The following RHEX variants were observed in gnomAD, a reference collection of about 807,000 sequenced individuals.
The protein encoded by RHEX is regulator of hemoglobinization and erythroid cell expansion protein.
A neutral mutation model predicts 20.1 loss-of-function variants in RHEX; 18 were observed. The observed-to-expected ratio is 0.90, with a 90% CI of 0.62 to 1.33. RHEX has a LOEUF of 1.33. Among genes scored for constraint, RHEX ranks in the 40% most tolerant of loss-of-function variants. The pLI, the probability that RHEX is intolerant of heterozygous loss-of-function variation, is 0.00. For synonymous variants in RHEX, 87 were observed against 77.1 expected, an observed-to-expected ratio of 1.13 and a Z score of -0.67; for missense variants, 192 against 214.3, an observed-to-expected ratio of 0.90 and a Z score of 0.65.
chr1:206,098,192 C>T lies in RHEX; in HGVS notation c.112+11C>T, dbSNP rs182205200. ...TCAGCAGGCACATGGGTAACTGGCT[C>T]AGCATCCTCTTCCCTCCTAGTCACT... is the stretch of plus-strand genomic sequence containing the variant. On this transcript the variant is annotated intron_variant, in intron 3 of 5. Coordinates refer to ENST00000331555, the MANE Select transcript of RHEX (RefSeq NM_001007544.4). 1.6e-5 allele frequency: 26 copies of T among 1,577,874 alleles called. No individual in the cohort carries two copies. The Admixed American group carries it at 1.7e-4, about 10-fold the overall frequency.
At chr1:206,095,691 C>T (rs1468660078) in intron 1 of RHEX, among the ~76,000 whole-genome samples, 1 of 152,134 alleles carries the variant, frequency 6.6e-6, no homozygotes, top group African/African-American at 2.4e-5. Context: ...TGGTGCATAC[C>T]TGAAATCCCA....
chr1:206,072,834 T>C (rs893366789), intron 1 of RHEX, among the ~76,000 whole-genome samples: 3 of 148,446 alleles, frequency 2.0e-5, no homozygotes, highest in African/African-American at 7.5e-5. Flanking sequence ...TGTGTCTTTT[T>C]TTTTTTTTTT....
intron 1 of RHEX, among the ~76,000 whole-genome samples, chr1:206,064,870 TGGTTGCCGTGTCTGTGTAGAAGGA>T (rs548123855): frequency 0.014 from 2,061 of 152,108 alleles, 43 homozygotes; most frequent in African/African-American, 0.047. Flanking sequence ...AGAAATCGGA[TGGTTGCCGTGTCTGTGTAGAAGGA>T]GGTAGACATG....
At chr1:206,092,056 C>CTCTCTCTT (rs530575974) in intron 1 of RHEX, among the ~76,000 whole-genome samples, 7,187 of 151,278 alleles carry the variant, frequency 0.048, 387 homozygotes, top group African/African-American at 0.12. Flanking sequence ...CTCTTTCTCT[C>CTCTCTCTT]TCTCTCTTTC....
At chr1:206,084,643 C>T (rs75854365) in intron 1 of RHEX, among the ~76,000 whole-genome samples, 2,276 of 152,266 alleles carry the variant, frequency 0.015, 53 homozygotes, top group African/African-American at 0.052. Context: ...TCCTGCTTCT[C>T]GTTCTGTGTG....
At chr1:206,094,169 G>GGTGT (rs66885504) in intron 1 of RHEX, among the ~76,000 whole-genome samples, 6,155 of 148,626 alleles carry the variant, frequency 0.041, 307 homozygotes, top group African/African-American at 0.12. Flanking sequence ...CTGGTTATTT[G>GGTGT]GTGTGTGTGT....
chr1:206,066,606 A>T, intron 1 of RHEX, among the ~76,000 whole-genome samples: 1 of 152,170 alleles, frequency 6.6e-6, no homozygotes, highest in South Asian at 2.1e-4. Flanking sequence ...AACAAGAGAG[A>T]GACTCTGTCT....
intron 2 of RHEX, 30 bp from the exon 3 acceptor site, chr1:206,098,051 C>G: frequency 1.3e-6 from 2 of 1,549,922 alleles, no homozygotes; most frequent in Non-Finnish European, 1.8e-6. Context: ...CTTGCAATCT[C>G]TGACTTTGCC....
chr1:206,087,608 T>C (rs1157595173), intron 1 of RHEX, among the ~76,000 whole-genome samples: 1 of 152,318 alleles, frequency 6.6e-6, no homozygotes. Context: ...CACAGGACCA[T>C]GTGCATGGAC....
At chr1:206,054,738 A>C (rs1662154789) in intron 1 of RHEX, among the ~76,000 whole-genome samples, 1 of 152,284 alleles carries the variant, frequency 6.6e-6, no homozygotes, top group Non-Finnish European at 1.5e-5. Context: ...AGGTTTTATT[A>C]AAATTCAGTT....
intron 1 of RHEX, among the ~76,000 whole-genome samples, chr1:206,068,834 C>G (rs1202237541): frequency 1.3e-5 from 2 of 152,182 alleles, no homozygotes; most frequent in African/African-American, 4.8e-5. Flanking sequence ...TTTATTTCCC[C>G]AGGGGGCATC....
intron 1 of RHEX, among the ~76,000 whole-genome samples, chr1:206,066,336 G>A (rs1662421829): frequency 6.6e-6 from 1 of 152,212 alleles, no homozygotes; most frequent in African/African-American, 2.4e-5. Context: ...TACAACCTGG[G>A]CCAGGCACAG....
intron 1 of RHEX, among the ~76,000 whole-genome samples, chr1:206,077,519 C>T (rs2102316980): frequency 6.6e-6 from 1 of 152,236 alleles, no homozygotes; most frequent in East Asian, 1.9e-4. Flanking sequence ...CATCTGTAAT[C>T]CCAGAACTTT....
chr1:206,082,508 AC>A (rs1662759023), intron 1 of RHEX, among the ~76,000 whole-genome samples: 1 of 148,170 alleles, frequency 6.7e-6, no homozygotes, highest in Non-Finnish European at 1.5e-5. Flanking sequence ...ACAGAGAGAG[AC>A]TCCGTCTCAA....
At chr1:206,059,045 C>A (rs142909100) in intron 1 of RHEX, among the ~76,000 whole-genome samples, 263 of 152,278 alleles carry the variant, frequency 1.7e-3, no homozygotes, top group African/African-American at 6.1e-3. Context: ...CTATCTCCCT[C>A]CTGCCGTAAC....
intron 1 of RHEX, among the ~76,000 whole-genome samples, chr1:206,078,213 A>G (rs1406218208): frequency 4.6e-5 from 7 of 152,114 alleles, no homozygotes; most frequent in Non-Finnish European, 7.4e-5. Flanking sequence ...GGTCATAAGC[A>G]TCTTGGGTAA....
chr1:206,080,626 T>A (rs1347858763), intron 1 of RHEX, among the ~76,000 whole-genome samples: 2 of 152,142 alleles, frequency 1.3e-5, no homozygotes, highest in Non-Finnish European at 2.9e-5. Context: ...TGTTATAACT[T>A]CACTTATCAC....
intron 3 of RHEX, 138 bp from the exon 4 acceptor site, chr1:206,099,517 C>T (rs1400190328): frequency 2.9e-6 from 2 of 700,042 alleles, no homozygotes; most frequent in Non-Finnish European, 4.7e-6. Flanking sequence ...TGGGGTTTCA[C>T]CATGTTGACC....
At chr1:206,057,811 G>A (rs533742238) in intron 1 of RHEX, among the ~76,000 whole-genome samples, 2 of 152,262 alleles carry the variant, frequency 1.3e-5, no homozygotes, top group Non-Finnish European at 2.9e-5. Flanking sequence ...CTATGGACCT[G>A]CCACTTGGTC....
Sources: gnomAD v4.1 joint callset for allele counts (sites outside exome capture counted in the v4.1 genomes callset) on GRCh38, gnomAD v4.1.1 for gene constraint, MANE v1.5 for transcripts, NCBI Gene and HGNC (gene_info 2026-07-23, HGNC 2026-07-21) for gene names.